Variants in RBFOX1 observed in about 807,000 individuals in gnomAD.
The protein encoded by RBFOX1 is RNA binding fox-1 homolog 1.
RBFOX1 carries 8 observed loss-of-function variants against 57.7 expected under a neutral mutation model. The observed-to-expected ratio is 0.14, with a 90% CI of 0.08 to 0.25. The LOEUF (loss-of-function observed/expected upper bound fraction) is 0.25, where lower values mean the gene tolerates loss of function less well. Among genes scored for constraint, RBFOX1 ranks in the 10% least tolerant of loss-of-function variants. RBFOX1 has a pLI of 1.00. For missense variants in RBFOX1, 611 were observed against 548.5 expected (o/e 1.11, Z -1.14); for synonymous variants, 326 against 222.4 (o/e 1.47, Z -4.15).
At chr16:5,996,075 C>T (rs927023135) in intron 4 of RBFOX1, among the ~76,000 whole-genome samples, 14 of 152,064 alleles carry the variant, frequency 9.2e-5, no homozygotes, top group Non-Finnish European at 2.9e-5. Flanking sequence ...ATGAGGGTTC[C>T]ATCCCTGTGA....
chr16:7,234,113 C>G (rs1466968936), intron 4 of RBFOX1, among the ~76,000 whole-genome samples: 1 of 152,020 alleles, frequency 6.6e-6, no homozygotes, highest in African/African-American at 2.4e-5. Context: ...TTGCATTCAG[C>G]TCTATTCACA....
chr16:5,687,864 G>A (rs1596759181), intron 3 of RBFOX1, among the ~76,000 whole-genome samples: 1 of 152,236 alleles, frequency 6.6e-6, no homozygotes, highest in East Asian at 1.9e-4. Flanking sequence ...TTTGTGGTTG[G>A]CATCCCCTGT....
intron 4 of RBFOX1, among the ~76,000 whole-genome samples, chr16:7,196,860 G>T (rs2152689308): frequency 6.6e-6 from 1 of 152,250 alleles, no homozygotes; most frequent in African/African-American, 2.4e-5. Context: ...AAAGGGAAAA[G>T]GAAATGGAAT....
intron 4 of RBFOX1, among the ~76,000 whole-genome samples, chr16:7,163,047 A>C (rs888781417): frequency 2.0e-5 from 3 of 152,214 alleles, no homozygotes; most frequent in Non-Finnish European, 4.4e-5. Context: ...GTCACAGAGC[A>C]GGTATTATGC....
chr16:6,860,954 G>A (rs1014844763), intron 3 of RBFOX1, among the ~76,000 whole-genome samples: 1 of 152,110 alleles, frequency 6.6e-6, no homozygotes, highest in Admixed American at 6.5e-5. Flanking sequence ...TGGGGTCTAT[G>A]CATATATGGT....
intron 3 of RBFOX1, among the ~76,000 whole-genome samples, chr16:6,949,950 T>C (rs1184890831): frequency 2.1e-5 from 3 of 142,934 alleles, no homozygotes; most frequent in Admixed American, 2.1e-4. Flanking sequence ...TTTGTTGTTG[T>C]TGTTGTTGTT....
chr16:5,687,294 A>C (rs1451684915), intron 3 of RBFOX1, among the ~76,000 whole-genome samples: 1 of 152,274 alleles, frequency 6.6e-6, no homozygotes, highest in Middle Eastern at 3.4e-3. Flanking sequence ...GTCCTGGTTT[A>C]GTGCAGTAGT....
chr16:5,496,031 T>A (rs1597298666), intron 2 of RBFOX1, among the ~76,000 whole-genome samples: 1 of 151,892 alleles, frequency 6.6e-6, no homozygotes, highest in Admixed American at 6.6e-5. Flanking sequence ...GAGGCTGAGG[T>A]AGAAGAATTG....
intron 1 of RBFOX1, among the ~76,000 whole-genome samples, chr16:5,283,502 C>A (rs963392808): frequency 2.0e-5 from 3 of 152,132 alleles, no homozygotes; most frequent in Admixed American, 6.5e-5. Context: ...GTGTTATACC[C>A]TACAAAGCCA....
chr16:7,559,315 C>CCT (rs60906077), intron 5 of RBFOX1, among the ~76,000 whole-genome samples: 19,234 of 151,950 alleles, frequency 0.13, 2,781 homozygotes, highest in African/African-American at 0.36. Context: ...CTCTTTCTCT[C>CCT]AGTCTCTCTC....
At position 5,770,233 on chromosome 16, in the gene RBFOX1, G is replaced by C. The variant is rs185281066; in HGVS notation, c.319-97070G>C. ...TCAGAACACCAGTCACAACCCCGCT[G>C]ATAAAAATAGAATGCAATAATGAAA... is the stretch of plus-strand genomic sequence containing the variant. On this transcript the variant is annotated intron_variant, in intron 3 of 19. Transcript: ENST00000641259. 1.4e-3 allele frequency among the ~76,000 whole-genome samples: 207 copies of C among 152,292 alleles called. 2 individuals carry two copies. The highest frequency in any genetic ancestry group is 4.9e-3 in the African/African-American group (202 of 41,572).
intron 1 of RBFOX1, among the ~76,000 whole-genome samples, chr16:5,423,728 G>A (rs2067426925): frequency 6.6e-6 from 1 of 152,108 alleles, no homozygotes; most frequent in Non-Finnish European, 1.5e-5. Context: ...GTACCTTTGA[G>A]TGGCTCATAG....
chr16:5,252,291 G>A (rs1285466027), intron 1 of RBFOX1, among the ~76,000 whole-genome samples: 2 of 152,186 alleles, frequency 1.3e-5, no homozygotes, highest in Non-Finnish European at 1.5e-5. Context: ...CTTTCCAGGA[G>A]GTCCAGTTAA....
chr16:5,874,832 C>T (rs563731437), intron 4 of RBFOX1, among the ~76,000 whole-genome samples: 1 of 152,118 alleles, frequency 6.6e-6, no homozygotes, highest in South Asian at 2.1e-4. Context: ...GTAATCTTGG[C>T]TGCTCAGGAG....
intron 4 of RBFOX1, among the ~76,000 whole-genome samples, chr16:7,441,840 AC>A (rs1567185435): frequency 1.3e-5 from 2 of 152,102 alleles, no homozygotes; most frequent in Non-Finnish European, 2.9e-5. Flanking sequence ...AGCCTGCTTC[AC>A]GATCCACTGG....
At chr16:5,565,667 A>AATAG (rs1318350975) in intron 2 of RBFOX1, among the ~76,000 whole-genome samples, 4 of 149,210 alleles carry the variant, frequency 2.7e-5, no homozygotes, top group Admixed American at 2.7e-4. Context: ...TAAATAAATA[A>AATAG]ATAATTTGCA....
chr16:6,874,855 C>G (rs761629881), intron 3 of RBFOX1, among the ~76,000 whole-genome samples: 12 of 152,058 alleles, frequency 7.9e-5, no homozygotes, highest in African/African-American at 2.9e-4. Context: ...AGAAATGACA[C>G]CCAATGAACT....
intron 3 of RBFOX1, among the ~76,000 whole-genome samples, chr16:6,672,538 C>T (rs969289965): frequency 6.6e-6 from 1 of 150,778 alleles, no homozygotes; most frequent in East Asian, 1.9e-4. Context: ...AAAGAAAGAA[C>T]AGGAGAAAGA....
intron 3 of RBFOX1, among the ~76,000 whole-genome samples, chr16:6,825,286 C>CA (rs1230663071): frequency 6.6e-6 from 1 of 150,924 alleles, no homozygotes; most frequent in Non-Finnish European, 1.5e-5. Context: ...CTCTAGATGC[C>CA]AAAAATGTCT....
Sources: gnomAD v4.1 joint callset for allele counts (sites outside exome capture counted in the v4.1 genomes callset) on GRCh38, gnomAD v4.1.1 for gene constraint, MANE v1.5 for transcripts, NCBI Gene and HGNC (gene_info 2026-07-23, HGNC 2026-07-21) for gene names.